Variants in ATP1A4 observed in about 807,000 individuals in gnomAD.
The protein encoded by ATP1A4 is sodium/potassium-transporting ATPase subunit alpha-4.
Under a neutral mutation model 114.3 loss-of-function variants are expected in ATP1A4, and 90 were observed. The ratio of observed to expected loss-of-function variants is 0.79; its 90% CI spans 0.66 to 0.94. The LOEUF (loss-of-function observed/expected upper bound fraction) is 0.94, where lower values mean the gene tolerates loss of function less well. ATP1A4 is among the 40% of genes least tolerant of loss of function. The probability of loss-of-function intolerance (pLI) is 0.00; values close to 1 mark genes in which losing one functional copy is unlikely to be tolerated. For missense variants in ATP1A4, 1,222 were observed against 1,313.6 expected, an observed-to-expected ratio of 0.93 and a Z score of 1.08; for synonymous variants, 511 against 494.1, an observed-to-expected ratio of 1.03 and a Z score of -0.45.
At chr1:160,173,972 G>GGGGACAATATAGGGCTA in intron 13 of ATP1A4, 139 bp from the exon 14 acceptor site, 1 of 1,134,846 alleles carries the variant, frequency 8.8e-7, no homozygotes. Flanking sequence ...GTGTCAATTT[G>GGGGACAATATAGGGCTA]GGGACAATAT....
chr1:160,152,010 T>C lies in ATP1A4; in HGVS notation c.-31T>C, dbSNP rs370498913. Reference sequence around the variant, plus strand: ...ACTCTCTCAGCTTTCTTCCCACAGTTGAGCTCGGGCAGCTCTTTCTGGGGA... The same window carrying C: ...ACTCTCTCAGCTTTCTTCCCACAGTCGAGCTCGGGCAGCTCTTTCTGGGGA... On this transcript the variant is annotated 5_prime_UTR_variant, in exon 1 of 22. Transcript: ENST00000368081. The C allele has an allele frequency of 1.1e-4, 178 of 1,599,024 alleles. No homozygotes were observed. The highest frequency in any genetic ancestry group is 1.4e-4 in the Non-Finnish European group (166 of 1,173,476).
At chr1:160,152,775 A>T (rs778460778) in intron 1 of ATP1A4, among the ~76,000 whole-genome samples, 15 of 151,998 alleles carry the variant, frequency 9.9e-5, no homozygotes, top group Non-Finnish European at 2.1e-4. Context: ...GGTGGCTCAC[A>T]CCTGTAATCC....
At chr1:160,169,048 G>C (rs895872966) in intron 10 of ATP1A4, among the ~76,000 whole-genome samples, 9 of 152,320 alleles carry the variant, frequency 5.9e-5, no homozygotes, top group Admixed American at 5.2e-4. Context: ...TGCCTCTTCC[G>C]AGCTACCAAA....
chr1:160,155,975 A>G, intron 3 of ATP1A4, 70 bp from the exon 4 acceptor site: 1 of 931,022 alleles, frequency 1.1e-6, no homozygotes, highest in Non-Finnish European at 1.8e-6. Context: ...TGCCCCTTGC[A>G]GACTGATTTT....
chr1:160,178,536 A>G (rs1234866741), intron 18 of ATP1A4, among the ~76,000 whole-genome samples: 2 of 151,748 alleles, frequency 1.3e-5, no homozygotes, highest in South Asian at 2.1e-4. Context: ...TAAGCTGGGT[A>G]TGGTCGTGGG....
In ATP1A4 at chr1:160,152,229, A is replaced by T. The variant is rs749688081; in HGVS notation, c.147+42A>T. 1.0e-5 allele frequency: 16 copies of T among 1,600,114 alleles called. No homozygotes were observed. The Admixed American group carries it at 2.6e-4, about 26-fold the overall frequency. On this transcript the variant is annotated intron_variant, in intron 1 of 21. Coordinates refer to ENST00000368081, the MANE Select transcript of ATP1A4 (RefSeq NM_144699.4). Reference sequence around the variant, plus strand: ...TGGGCGCTGACAGCTGCCCTCTGAAAACACTCCTCCACCTATCTTTAACAT... The same window carrying T: ...TGGGCGCTGACAGCTGCCCTCTGAATACACTCCTCCACCTATCTTTAACAT...
chr1:160,185,557 G>T (rs888262755), intron 20 of ATP1A4, among the ~76,000 whole-genome samples: 1 of 151,946 alleles, frequency 6.6e-6, no homozygotes, highest in Non-Finnish European at 1.5e-5. Flanking sequence ...AGGCTGAGGC[G>T]GGTGGACTGC....
At chr1:160,184,495 T>G (rs1227854492) in intron 20 of ATP1A4, among the ~76,000 whole-genome samples, 1 of 152,098 alleles carries the variant, frequency 6.6e-6, no homozygotes, top group Non-Finnish European at 1.5e-5. Context: ...TGCAGTGAGT[T>G]ATGATTGTAC....
chr1:160,165,208 A>T (rs913114261), intron 7 of ATP1A4, among the ~76,000 whole-genome samples: 1 of 152,232 alleles, frequency 6.6e-6, no homozygotes, highest in Non-Finnish European at 1.5e-5. Flanking sequence ...TGACAATAAT[A>T]CTTGGGGTGT....
At chr1:160,172,115 C>A (rs967273746) in intron 12 of ATP1A4, among the ~76,000 whole-genome samples, 9 of 152,108 alleles carry the variant, frequency 5.9e-5, no homozygotes, top group African/African-American at 1.4e-4. Context: ...CTTCTCAGAC[C>A]AACGTGCGTG....
chr1:160,171,844 A>G (rs1331996493), intron 12 of ATP1A4, 87 bp downstream of exon 12: 4 of 1,351,432 alleles, frequency 3.0e-6, no homozygotes, highest in Non-Finnish European at 4.0e-6. Flanking sequence ...GATGCTTAAT[A>G]CCCTTAGTTT....
At chr1:160,179,038 C>A (rs1653589105) in intron 18 of ATP1A4, among the ~76,000 whole-genome samples, 1 of 152,210 alleles carries the variant, frequency 6.6e-6, no homozygotes, top group South Asian at 2.1e-4. Context: ...CACAGTGAAT[C>A]CCTAAAAGAG....
chr1:160,158,552 T>C (rs1486673348), intron 4 of ATP1A4, among the ~76,000 whole-genome samples: 1 of 152,026 alleles, frequency 6.6e-6, no homozygotes, highest in Admixed American at 6.6e-5. Flanking sequence ...AATTTTTTTT[T>C]CAATTTTTGT....
At chr1:160,160,471 C>T (rs769544961) in intron 6 of ATP1A4, among the ~76,000 whole-genome samples, 2 of 152,196 alleles carry the variant, frequency 1.3e-5, no homozygotes, top group African/African-American at 2.4e-5. Flanking sequence ...CCCTCCTCGG[C>T]CTCCCAAAGT....
Position 160,181,783 on chromosome 1 carries a change from C to T in ATP1A4, c.2836C>T (p.Arg946Cys), listed in dbSNP as rs369247511. The change falls in exon 19 of 22, where the codon CGC becomes TGC. Residue 946 changes from arginine to cysteine, a missense_variant. Transcript: ENST00000368081. ...QWADLIISKT[R>C]RNSLFQQGMR... ...GGCGGATCTCATCATCTCCAAGACT[C>T]GCCGCAACTCACTTTTCCAGCAGGG... is the stretch of plus-strand genomic sequence containing the variant. 3.1e-6 allele frequency: 5 copies of T among 1,613,996 alleles called. No homozygotes were observed. The highest frequency in any genetic ancestry group is 2.2e-5 in the East Asian group (1 of 44,860).
chr1:160,173,457 T>G, intron 12 of ATP1A4, 124 bp from the exon 13 acceptor site: 1 of 1,381,968 alleles, frequency 7.2e-7, no homozygotes, highest in Admixed American at 2.1e-5. Flanking sequence ...CACAAGTTCT[T>G]GGGAATGAGC....
intron 21 of ATP1A4, 135 bp from the exon 22 acceptor site, chr1:160,186,536 G>A (rs1360561581): frequency 1.8e-6 from 2 of 1,136,906 alleles, no homozygotes; most frequent in East Asian, 5.0e-5. Context: ...GCACCCCTCT[G>A]CTCCATCTGA....
chr1:160,184,038 C>T (rs910645103), intron 20 of ATP1A4, among the ~76,000 whole-genome samples: 9 of 151,470 alleles, frequency 5.9e-5, no homozygotes, highest in Non-Finnish European at 1.3e-4. Context: ...CTGCAAACTC[C>T]GCCCCGCTGG....
In ATP1A4 at chr1:160,186,956, T is replaced by C. The variant is rs41265771; in HGVS notation, c.*257T>C. ...TGAATCCCGTAGCCAGTCTAGACAG[T>C]AAATGTCTGGAAAAGCCCTCACCAG... is the stretch of plus-strand genomic sequence containing the variant. On this transcript the variant is annotated 3_prime_UTR_variant, in exon 22 of 22. Coordinates refer to ENST00000368081, the MANE Select transcript of ATP1A4 (RefSeq NM_144699.4). The C allele has an allele frequency of 1.9e-6, 1 of 537,152 alleles. No individual in the cohort carries two copies. Among genetic ancestry groups the C allele is most frequent in the Non-Finnish European group, 3.4e-6 (1 of 297,770 alleles). 33.3% of individuals were successfully genotyped at this position (537,152 alleles called of 1,614,324 possible).
Sources: gnomAD v4.1 joint callset for allele counts (sites outside exome capture counted in the v4.1 genomes callset) on GRCh38, gnomAD v4.1.1 for gene constraint, MANE v1.5 for transcripts, NCBI Gene and HGNC (gene_info 2026-07-23, HGNC 2026-07-21) for gene names.